Variants in AKAP12 observed in about 807,000 individuals in gnomAD.
AKAP12 encodes the protein A-kinase anchor protein 12.
AKAP12 carries 32 observed loss-of-function variants against 79.9 expected under a neutral mutation model. The ratio of observed to expected loss-of-function variants is 0.40; its 90% CI spans 0.30 to 0.54. The LOEUF (loss-of-function observed/expected upper bound fraction) is 0.54, where lower values mean the gene tolerates loss of function less well. Ranked by LOEUF, AKAP12 falls within the 20% of genes least tolerant of loss-of-function variation. The probability of loss-of-function intolerance (pLI) is 0.48; values close to 1 mark genes in which losing one functional copy is unlikely to be tolerated. For missense variants in AKAP12, 2,074 were observed against 2,177.0 expected (o/e 0.95, Z 0.94); for synonymous variants, 808 against 857.0 (o/e 0.94, Z 1.00).
intron 3 of AKAP12, among the ~76,000 whole-genome samples, chr6:151,323,017 A>G (rs994459388): frequency 6.6e-6 from 1 of 151,992 alleles, no homozygotes; most frequent in African/African-American, 2.4e-5. Context: ...GAAATGATAA[A>G]AGAAAGTCTC....
intron 2 of AKAP12, among the ~76,000 whole-genome samples, chr6:151,248,702 G>T (rs113993027): frequency 0.02 from 2,997 of 152,168 alleles, 106 homozygotes; most frequent in African/African-American, 0.069. Context: ...TAAAAAGTGG[G>T]TTGCTGGCCG....
chr6:151,284,358 G>T (rs2114728042), intron 2 of AKAP12, among the ~76,000 whole-genome samples: 2 of 152,300 alleles, frequency 1.3e-5, no homozygotes, highest in South Asian at 4.1e-4. Flanking sequence ...GGGTGTGGTG[G>T]CTAACACCTG....
At chr6:151,288,633 T>C (rs1776554364) in intron 2 of AKAP12, among the ~76,000 whole-genome samples, 1 of 152,182 alleles carries the variant, frequency 6.6e-6, no homozygotes, top group African/African-American at 2.4e-5. Flanking sequence ...CCCTGAAGTA[T>C]TTAATTAATA....
In AKAP12 at chr6:151,285,536, G is replaced by A. The variant is rs150121525; in HGVS notation, c.163-20211G>A. On this transcript the variant is annotated intron_variant, in intron 2 of 4. Transcript: ENST00000402676. ...TAACCAGAAAGTTTGAGACAATTGA[G>A]TATTATAGCAAAGTCCTTTCTTGCG... Among the ~76,000 whole-genome samples the A allele has an allele frequency of 2.3e-3, 343 of 151,856 alleles. 1 individual carries two copies. The highest frequency in any genetic ancestry group is 7.9e-3 in the African/African-American group (328 of 41,364).
At chr6:151,248,264 G>T in intron 2 of AKAP12, among the ~76,000 whole-genome samples, 2 of 129,160 alleles carry the variant, frequency 1.5e-5, no homozygotes, top group Non-Finnish European at 3.2e-5. Flanking sequence ...CTGGGATTCT[G>T]TGATTTTTTT....
intron 2 of AKAP12, among the ~76,000 whole-genome samples, chr6:151,254,204 C>A (rs910878450): frequency 1.4e-5 from 2 of 145,298 alleles, no homozygotes; most frequent in Non-Finnish European, 3.0e-5. Flanking sequence ...ATTCCACTGA[C>A]AAAAGCAGTG....
intron 2 of AKAP12, among the ~76,000 whole-genome samples, chr6:151,277,446 T>C (rs1168972369): frequency 6.6e-6 from 1 of 152,218 alleles, no homozygotes; most frequent in Non-Finnish European, 1.5e-5. Flanking sequence ...GTAAGGCGTA[T>C]TGTTTCTAAA....
At chr6:151,311,467 GGT>G (rs1777097663) in intron 3 of AKAP12, among the ~76,000 whole-genome samples, 4 of 152,142 alleles carry the variant, frequency 2.6e-5, no homozygotes, top group Admixed American at 2.6e-4. Context: ...GGCGGCTCCC[GGT>G]GTGTGCACGT....
In AKAP12 at chr6:151,320,311, G is replaced by C. The variant is rs566302881; in HGVS notation, c.319+14408G>C. 6.6e-5 allele frequency among the ~76,000 whole-genome samples: 10 copies of C among 151,900 alleles called. No individual in the cohort carries two copies. In the South Asian group the frequency reaches 2.1e-3, roughly 32 times the overall value. On this transcript the variant is annotated intron_variant, in intron 3 of 4. Coordinates refer to ENST00000402676, the MANE Select transcript of AKAP12 (RefSeq NM_005100.4). ...TTGTTTTTGTTTTTTATAGAGATGG[G>C]ATCTTGCTGTGTTGCCCAGGCTGGT...
intron 3 of AKAP12, among the ~76,000 whole-genome samples, chr6:151,345,466 A>G (rs1404657830): frequency 1.3e-5 from 1 of 74,482 alleles, no homozygotes; most frequent in African/African-American, 4.4e-5. Context: ...ATTTTAATTG[A>G]CCTGTTTAGT....
chr6:151,259,579 CTTTT>C (rs35514304), intron 2 of AKAP12, among the ~76,000 whole-genome samples: 8 of 102,828 alleles, frequency 7.8e-5, no homozygotes, highest in Admixed American at 1.1e-4. Flanking sequence ...CCTTTTTTTC[CTTTT>C]TTTTTTTTTT....
At position 151,351,780 on chromosome 6, in the gene AKAP12, T is replaced by G; in HGVS notation, c.3389T>G (p.Ile1130Arg). ...FEKAPQVTES[I>R]ESSELVTTCQ... ...AAAGCTCCTCAAGTCACAGAGAGCATAGAGTCCAGTGAGCTTGTAACCACT... is the reference window on the plus strand; with the variant it reads ...AAAGCTCCTCAAGTCACAGAGAGCAGAGAGTCCAGTGAGCTTGTAACCACT... Residue 1130 changes from isoleucine to arginine, a missense_variant, in exon 4 of 5, where the codon ATA becomes AGA. This residue lies in a region of AKAP12 where 1,428 missense variants were observed against 1,451.0 expected (regional missense o/e 0.98). Transcript: ENST00000402676. This position sits in a 1 kb window ranked among gnomAD's most constrained non-coding sequence, Gnocchi z 4.4. The G allele has an allele frequency of 6.2e-7, 1 of 1,613,832 alleles. No homozygotes were observed. Among genetic ancestry groups the G allele is most frequent in the Non-Finnish European group, 8.5e-7 (1 of 1,179,960 alleles).
intron 2 of AKAP12, among the ~76,000 whole-genome samples, chr6:151,279,813 C>T (rs1776362139): frequency 6.6e-6 from 1 of 151,932 alleles, no homozygotes; most frequent in South Asian, 2.1e-4. Context: ...CACCACTGCA[C>T]TCCATCCTGG....
intron 2 of AKAP12, among the ~76,000 whole-genome samples, chr6:151,248,702 G>A (rs113993027): frequency 3.3e-5 from 5 of 152,058 alleles, no homozygotes; most frequent in Non-Finnish European, 7.4e-5. Context: ...TAAAAAGTGG[G>A]TTGCTGGCCG....
At chr6:151,254,650 T>C (rs964717731) in intron 2 of AKAP12, among the ~76,000 whole-genome samples, 1 of 152,176 alleles carries the variant, frequency 6.6e-6, no homozygotes, top group Non-Finnish European at 1.5e-5. Context: ...CTTAGATCAG[T>C]CTTCATTTTG....
intron 2 of AKAP12, among the ~76,000 whole-genome samples, chr6:151,246,379 C>T (rs531492185): frequency 6.6e-5 from 10 of 152,302 alleles, no homozygotes; most frequent in African/African-American, 2.4e-4. Context: ...GATCTCACCA[C>T]TGCATTCCAG....
intron 3 of AKAP12, among the ~76,000 whole-genome samples, chr6:151,312,246 G>A (rs193165936): frequency 1.7e-4 from 26 of 152,194 alleles, no homozygotes; most frequent in Admixed American, 5.2e-4. Context: ...CGAGGAGGGC[G>A]GATCACTTGA....
chr6:151,306,652 C>A (rs1424871030), intron 3 of AKAP12, among the ~76,000 whole-genome samples: 1 of 152,206 alleles, frequency 6.6e-6, no homozygotes, highest in Non-Finnish European at 1.5e-5. Flanking sequence ...AGTCCTTTCA[C>A]AGGAGATTCA....
At position 151,240,524 on chromosome 6, in the gene AKAP12, T is replaced by G. The variant is rs1796950056; in HGVS notation, c.-39T>G. On this transcript the variant is annotated 5_prime_UTR_variant, in exon 2 of 5. Coordinates refer to ENST00000402676, the MANE Select transcript of AKAP12 (RefSeq NM_005100.4). ...CTGTCCCTGCGGCTTGGGGAAGGCG[T>G]AACCCGGCGGCTAGGCGCGGGAGAA... 1 of 1,404,562 alleles carries G rather than the reference T, an allele frequency of 7.1e-7. No homozygotes were observed. 87.0% of individuals were successfully genotyped at this position (1,404,562 alleles called of 1,614,324 possible). A position where few individuals can be genotyped will look rare whatever the true frequency, so the allele number is the denominator to read the frequency against.
Sources: gnomAD v4.1 joint callset for allele counts (sites outside exome capture counted in the v4.1 genomes callset) on GRCh38, gnomAD v4.1.1 for gene constraint, gnomAD v4.1.1 regional missense constraint, Gnocchi (gnomAD v3.1) non-coding constraint, MANE v1.5 for transcripts, NCBI Gene and HGNC (gene_info 2026-07-23, HGNC 2026-07-21) for gene names.